The following CCSER1 variants were observed in gnomAD, a reference collection of about 807,000 sequenced individuals.
The protein encoded by CCSER1 is coiled-coil serine rich protein 1.
CCSER1 carries 41 observed loss-of-function variants against 82.0 expected under a neutral mutation model. The observed-to-expected ratio is 0.50, with a 90% CI of 0.39 to 0.65. The LOEUF (loss-of-function observed/expected upper bound fraction) is 0.65. Ranked by LOEUF, CCSER1 falls within the 30% of genes least tolerant of loss-of-function variation. The pLI, the probability that CCSER1 is intolerant of heterozygous loss-of-function variation, is 0.00. For synonymous variants in CCSER1, 414 were observed against 383.9 expected (o/e 1.08, Z -0.92); for missense variants, 1,119 against 1,064.2 (o/e 1.05, Z -0.72).
intron 1 of CCSER1, among the ~76,000 whole-genome samples, chr4:90,285,547 C>T (rs1560948461): frequency 6.6e-6 from 1 of 151,928 alleles, no homozygotes; most frequent in Non-Finnish European, 1.5e-5. Flanking sequence ...CTGGTTAAGT[C>T]TTTCAGTTTT....
intron 5 of CCSER1, among the ~76,000 whole-genome samples, chr4:90,566,854 G>C (rs1779459179): frequency 6.6e-6 from 1 of 151,436 alleles, no homozygotes; most frequent in Non-Finnish European, 1.5e-5. Flanking sequence ...CGCCCATCTC[G>C]GCCTCCCAAA....
At chr4:90,757,907 C>T (rs1274381348) in intron 7 of CCSER1, among the ~76,000 whole-genome samples, 1 of 150,990 alleles carries the variant, frequency 6.6e-6, no homozygotes, top group East Asian at 1.9e-4. Flanking sequence ...AGACAACCAG[C>T]TGTACAATAG....
chr4:90,566,102 C>G (rs544359530), intron 5 of CCSER1, among the ~76,000 whole-genome samples: 1 of 151,702 alleles, frequency 6.6e-6, no homozygotes, highest in South Asian at 2.1e-4. Context: ...AAATGATCCA[C>G]CTGCCTCGAC....
At chr4:91,189,342 C>CCCTGG (rs1293973187) in intron 10 of CCSER1, among the ~76,000 whole-genome samples, 59 of 152,192 alleles carry the variant, frequency 3.9e-4, no homozygotes, top group African/African-American at 1.4e-3. Context: ...GTTTAGAGTA[C>CCCTGG]ATGAATGTAC....
rs186029667 is a variant in CCSER1 at position 90,400,172 on chromosome 4, T to G, written c.1603+43T>G. On this transcript the variant is annotated intron_variant, in intron 4 of 10. Coordinates refer to ENST00000509176, the MANE Select transcript of CCSER1 (RefSeq NM_001145065.2). ...GAATAATATCATACAACTCCTACCC[T>G]GGTCAGTAGCTTTCACTGATAGCCT... 1.1e-3 allele frequency: 1,163 copies of G among 1,078,632 alleles called. 4 individuals are homozygous for G. Among genetic ancestry groups the G allele is most frequent in the Middle Eastern group, 5.7e-3 (28 of 4,924 alleles). 66.8% of individuals were successfully genotyped at this position (1,078,632 alleles called of 1,614,324 possible).
intron 3 of CCSER1, among the ~76,000 whole-genome samples, chr4:90,381,265 T>A (rs1364024800): frequency 6.6e-6 from 1 of 152,220 alleles, no homozygotes; most frequent in Non-Finnish European, 1.5e-5. Context: ...TTTAACATCC[T>A]GAATTACTTT....
intron 5 of CCSER1, among the ~76,000 whole-genome samples, chr4:90,556,797 G>T (rs1273133929): frequency 6.6e-6 from 1 of 151,548 alleles, no homozygotes; most frequent in Admixed American, 6.6e-5. Flanking sequence ...AGACATATAA[G>T]TGGACTTGCT....
chr4:90,471,672 AG>A (rs1298413003), intron 5 of CCSER1, among the ~76,000 whole-genome samples: 1 of 151,532 alleles, frequency 6.6e-6, no homozygotes, highest in African/African-American at 2.4e-5. Context: ...ATTTCCCATA[AG>A]AAAAAAAAAA....
intron 9 of CCSER1, among the ~76,000 whole-genome samples, chr4:90,947,188 A>G (rs1310263757): frequency 6.6e-6 from 1 of 152,198 alleles, no homozygotes; most frequent in Non-Finnish European, 1.5e-5. Flanking sequence ...TATGCCTACA[A>G]GTGGGGAAAT....
In CCSER1 at chr4:91,169,560, G is replaced by C. The variant is rs1695921549; in HGVS notation, c.2217+83566G>C. ...TGCTTGAACCCAGGATGCAGACATTGCAGTTAGTTGAGATCACACCACTGC... is the reference window on the plus strand; with the variant it reads ...TGCTTGAACCCAGGATGCAGACATTCCAGTTAGTTGAGATCACACCACTGC... On this transcript the variant is annotated intron_variant, in intron 10 of 10. Coordinates refer to ENST00000509176, the MANE Select transcript of CCSER1 (RefSeq NM_001145065.2). Among the ~76,000 whole-genome samples, 6 of 152,148 alleles carry C rather than the reference G, an allele frequency of 3.9e-5. No individual in the cohort carries two copies. In the South Asian group the frequency reaches 1.2e-3, roughly 32 times the overall value.
intron 1 of CCSER1, among the ~76,000 whole-genome samples, chr4:90,235,644 A>G (rs181299765): frequency 6.6e-6 from 1 of 152,228 alleles, no homozygotes; most frequent in African/African-American, 2.4e-5. Context: ...TTATTAAAGA[A>G]TTACTATGCA....
intron 7 of CCSER1, among the ~76,000 whole-genome samples, chr4:90,788,067 A>G (rs1754754763): frequency 6.6e-6 from 1 of 152,184 alleles, no homozygotes; most frequent in Non-Finnish European, 1.5e-5. Context: ...ACCTATTACT[A>G]TTATATTAGA....
intron 10 of CCSER1, among the ~76,000 whole-genome samples, chr4:91,587,558 T>C (rs1199627702): frequency 6.6e-6 from 1 of 151,828 alleles, no homozygotes; most frequent in African/African-American, 2.4e-5. Flanking sequence ...ACTCTAAGAA[T>C]TTTTCTATTT....
intron 9 of CCSER1, among the ~76,000 whole-genome samples, chr4:91,049,303 A>C (rs957718417): frequency 1.3e-5 from 2 of 152,190 alleles, no homozygotes; most frequent in Admixed American, 1.3e-4. Flanking sequence ...TAGTTGTATC[A>C]GTTCAATGCA....
intron 3 of CCSER1, among the ~76,000 whole-genome samples, chr4:90,323,093 G>T (rs1314078865): frequency 6.6e-6 from 1 of 152,186 alleles, no homozygotes; most frequent in African/African-American, 2.4e-5. Flanking sequence ...TCAGGAATAT[G>T]CAGGGTGCTT....
At chr4:90,906,518 G>A (rs987605124) in intron 8 of CCSER1, among the ~76,000 whole-genome samples, 13 of 151,754 alleles carry the variant, frequency 8.6e-5, no homozygotes, top group East Asian at 3.9e-4. Context: ...GTCACTTCAC[G>A]GTTTACTATA....
intron 10 of CCSER1, among the ~76,000 whole-genome samples, chr4:91,503,202 C>T (rs1231041234): frequency 2.0e-5 from 3 of 151,582 alleles, no homozygotes; most frequent in Non-Finnish European, 2.9e-5. Context: ...ATAAGCTGGG[C>T]GTGGTGGCGG....
chr4:90,691,532 G>A (rs193037115), intron 6 of CCSER1, among the ~76,000 whole-genome samples: 51 of 147,116 alleles, frequency 3.5e-4, no homozygotes, highest in Admixed American at 1.2e-3. Context: ...CATATCACAC[G>A]TATAATACAT....
intron 3 of CCSER1, among the ~76,000 whole-genome samples, chr4:90,331,721 G>T (rs1025673945): frequency 4.6e-5 from 7 of 152,096 alleles, no homozygotes; most frequent in Non-Finnish European, 8.8e-5. Context: ...TAGAGCAAAG[G>T]TTTAAGTAAA....
Sources: allele counts gnomAD v4.1 joint callset (sites outside exome capture counted in the v4.1 genomes callset), GRCh38; gene constraint gnomAD v4.1.1; transcripts MANE v1.5; gene names NCBI Gene and HGNC (gene_info 2026-07-23, HGNC 2026-07-21).